MNAT1: variants seen among roughly 807,000 people sequenced by gnomAD.
MNAT1 encodes CDK-activating kinase assembly factor MAT1.
In MNAT1, 43 loss-of-function variants were observed where a neutral mutation model predicts 42.0. The ratio of observed to expected loss-of-function variants is 1.02; its 90% confidence interval spans 0.80 to 1.32. The LOEUF is 1.32. Among genes scored for constraint, MNAT1 ranks in the 40% most tolerant of loss-of-function variants. The pLI, the probability that MNAT1 is intolerant of heterozygous loss-of-function variation, is 0.00. For missense variants in MNAT1, 306 were observed against 350.4 expected (o/e 0.87, Z 1.01); for synonymous variants, 118 against 120.0 (o/e 0.98, Z 0.11).
chr14:60,927,034 A>G (rs1459411759), intron 7 of MNAT1, among the ~76,000 whole-genome samples: 1 of 152,214 alleles, frequency 6.6e-6, no homozygotes, highest in Non-Finnish European at 1.5e-5. Context: ...CACCCTATCT[A>G]TAAGTTTATT....
At chr14:60,899,405 T>C (rs1328594736) in intron 7 of MNAT1, among the ~76,000 whole-genome samples, 1 of 152,196 alleles carries the variant, frequency 6.6e-6, no homozygotes, top group Non-Finnish European at 1.5e-5. Flanking sequence ...ATTAAGTCAG[T>C]TAATTAGAAC....
intron 7 of MNAT1, among the ~76,000 whole-genome samples, chr14:60,934,194 G>A (rs972211143): frequency 3.3e-5 from 5 of 152,190 alleles, no homozygotes; most frequent in African/African-American, 4.8e-5. Context: ...AGTTACTGCC[G>A]TCCTAAAGAA....
intron 5 of MNAT1, among the ~76,000 whole-genome samples, chr14:60,814,596 T>C (rs758727317): frequency 3.3e-5 from 5 of 152,108 alleles, no homozygotes; most frequent in Non-Finnish European, 7.4e-5. Context: ...ACTGTGCTTT[T>C]GCCAAAAAAG....
chr14:60,950,820 G>T (rs1454035379), intron 7 of MNAT1, among the ~76,000 whole-genome samples: 4 of 152,090 alleles, frequency 2.6e-5, no homozygotes, highest in Non-Finnish European at 4.4e-5. Context: ...TATTATCATG[G>T]CTGCACTTTA....
At position 60,879,362 on chromosome 14, in the gene MNAT1, A is replaced by G. The variant is rs145370705; in HGVS notation, c.688-352A>G. ...TTAATACAAGTTTGTTTTGGTGCAAATGTTTTTAAAATCCATGCATAGTTT... is the reference window on the plus strand; with the variant it reads ...TTAATACAAGTTTGTTTTGGTGCAAGTGTTTTTAAAATCCATGCATAGTTT... On this transcript the variant is annotated intron_variant, in intron 6 of 7. Transcript: ENST00000261245. 3.4e-3 allele frequency among the ~76,000 whole-genome samples: 521 copies of G among 152,280 alleles called. 3 individuals carry two copies. The highest frequency in any genetic ancestry group is 0.012 in the African/African-American group (506 of 41,568).
At chr14:60,936,688 A>G (rs1004829315) in intron 7 of MNAT1, among the ~76,000 whole-genome samples, 4 of 152,122 alleles carry the variant, frequency 2.6e-5, no homozygotes, top group African/African-American at 9.7e-5. Context: ...ATAAACATAC[A>G]TGTGCATGTG....
intron 6 of MNAT1, among the ~76,000 whole-genome samples, chr14:60,822,722 G>T (rs1327612718): frequency 6.6e-6 from 1 of 151,818 alleles, no homozygotes; most frequent in Non-Finnish European, 1.5e-5. Context: ...AGGATTACAG[G>T]TGTGAGCCAG....
chr14:60,734,833 C>T lies in MNAT1; in HGVS notation c.-30C>T, dbSNP rs1350154172. ...TAGGTGGCTCTGGCTGAAACAGGCGCCTGCGAGAGTCTGTAGGAGGGAAAC... is the reference window on the plus strand; with the variant it reads ...TAGGTGGCTCTGGCTGAAACAGGCGTCTGCGAGAGTCTGTAGGAGGGAAAC... On this transcript the variant is annotated 5_prime_UTR_variant, in exon 1 of 8. Coordinates refer to ENST00000261245, the MANE Select transcript of MNAT1 (RefSeq NM_002431.4). The surrounding 1 kb of genome is among the most constrained non-coding windows in gnomAD (Gnocchi z 4.3). 1 of 1,610,456 alleles carries T rather than the reference C, an allele frequency of 6.2e-7. No individual in the cohort carries two copies. Among genetic ancestry groups the T allele is most frequent in the South Asian group, 1.1e-5 (1 of 90,954 alleles).
At chr14:60,825,101 T>C (rs2033017056) in intron 6 of MNAT1, among the ~76,000 whole-genome samples, 1 of 152,160 alleles carries the variant, frequency 6.6e-6, no homozygotes, top group Non-Finnish European at 1.5e-5. Context: ...AAGGTATAAA[T>C]AACTCATATA....
At chr14:60,801,985 C>T (rs2032216658) in intron 3 of MNAT1, among the ~76,000 whole-genome samples, 1 of 152,106 alleles carries the variant, frequency 6.6e-6, no homozygotes, top group Non-Finnish European at 1.5e-5. Context: ...CGTGGATCAA[C>T]CTGGAGGACA....
chr14:60,904,892 T>C (rs1457723300), intron 7 of MNAT1, among the ~76,000 whole-genome samples: 1 of 151,822 alleles, frequency 6.6e-6, no homozygotes, highest in East Asian at 1.9e-4. Flanking sequence ...CCGTGGATCT[T>C]ATTTAAAATT....
chr14:60,943,053 CTTT>C (rs377454616), intron 7 of MNAT1, among the ~76,000 whole-genome samples: 1 of 53,102 alleles, frequency 1.9e-5, no homozygotes, highest in Admixed American at 3.1e-4. Context: ...TGTGTGTGCG[CTTT>C]TTTTTTTTTT....
intron 7 of MNAT1, among the ~76,000 whole-genome samples, chr14:60,961,872 C>T: frequency 6.6e-6 from 1 of 152,104 alleles, no homozygotes; most frequent in East Asian, 1.9e-4. Context: ...ATAGCTGTTA[C>T]TAACATGGAA....
intron 6 of MNAT1, among the ~76,000 whole-genome samples, chr14:60,834,183 C>T (rs915598556): frequency 5.9e-5 from 9 of 152,088 alleles, no homozygotes; most frequent in Admixed American, 5.9e-4. Flanking sequence ...TAGTTCTGCT[C>T]TGATCTTAGT....
At chr14:60,960,877 G>A (rs2036575102) in intron 7 of MNAT1, among the ~76,000 whole-genome samples, 1 of 152,178 alleles carries the variant, frequency 6.6e-6, no homozygotes, top group African/African-American at 2.4e-5. Flanking sequence ...GAATCTCTCT[G>A]TATCTACTCT....
intron 1 of MNAT1, among the ~76,000 whole-genome samples, chr14:60,767,199 A>C (rs188787017): frequency 2.6e-5 from 4 of 152,328 alleles, no homozygotes. Flanking sequence ...TCTGGAAGGC[A>C]AAGTGGAGGA....
intron 2 of MNAT1, 130 bp from the exon 3 acceptor site, chr14:60,797,957 C>G (rs911176884): frequency 2.0e-6 from 1 of 495,772 alleles, no homozygotes; most frequent in African/African-American, 2.0e-5. Flanking sequence ...AAATAGAGAA[C>G]GATGTTTTAC....
intron 7 of MNAT1, among the ~76,000 whole-genome samples, chr14:60,936,007 T>C (rs550999696): frequency 6.6e-6 from 1 of 152,168 alleles, no homozygotes; most frequent in Non-Finnish European, 1.5e-5. Context: ...GGACTCCTGC[T>C]AACAGGCCCC....
chr14:60,791,729 A>G (rs1177898045), intron 1 of MNAT1, among the ~76,000 whole-genome samples: 1 of 152,154 alleles, frequency 6.6e-6, no homozygotes, highest in Non-Finnish European at 1.5e-5. Context: ...TTAAGATTGT[A>G]TACCCCTTCT....
Sources: gnomAD v4.1 joint callset for allele counts (sites outside exome capture counted in the v4.1 genomes callset) on GRCh38, gnomAD v4.1.1 for gene constraint, Gnocchi (gnomAD v3.1) non-coding constraint, MANE v1.5 for transcripts, NCBI Gene and HGNC (gene_info 2026-07-23, HGNC 2026-07-21) for gene names.